PTPRD: variants seen among roughly 807,000 people sequenced by gnomAD.
PTPRD encodes the protein receptor-type tyrosine-protein phosphatase delta.
Under a neutral mutation model 214.5 loss-of-function variants are expected in PTPRD, and 34 were observed. The ratio of observed to expected loss-of-function variants is 0.16; its 90% CI spans 0.12 to 0.21. The LOEUF (loss-of-function observed/expected upper bound fraction) is 0.21, where lower values mean the gene tolerates loss of function less well. Ranked by LOEUF, PTPRD falls within the 10% of genes least tolerant of loss-of-function variation. PTPRD has a pLI of 1.00. For synonymous variants in PTPRD, 1,128 were observed against 845.7 expected (o/e 1.33, Z -5.79); for missense variants, 2,545 against 2,398.7 (o/e 1.06, Z -1.27).
intron 9 of PTPRD, among the ~76,000 whole-genome samples, chr9:9,249,769 C>T (rs2099974687): frequency 6.6e-6 from 1 of 152,046 alleles, no homozygotes; most frequent in South Asian, 2.1e-4. Flanking sequence ...ACTTTGTTGG[C>T]TATTTTGTTT....
At chr9:9,307,465 G>A (rs777786515) in intron 9 of PTPRD, among the ~76,000 whole-genome samples, 7 of 152,102 alleles carry the variant, frequency 4.6e-5, no homozygotes, top group African/African-American at 7.2e-5. Flanking sequence ...TTAAGGGTAC[G>A]ATTGCTAAGA....
At chr9:8,549,827 A>G (rs567145309) in intron 14 of PTPRD, among the ~76,000 whole-genome samples, 6 of 152,218 alleles carry the variant, frequency 3.9e-5, no homozygotes, top group Non-Finnish European at 8.8e-5. Flanking sequence ...TTATTACAAA[A>G]GAAAGATACT....
chr9:10,087,439 G>A (rs1011865357), intron 3 of PTPRD, among the ~76,000 whole-genome samples: 1 of 151,494 alleles, frequency 6.6e-6, no homozygotes, highest in Non-Finnish European at 1.5e-5. Flanking sequence ...GAAGATGTGG[G>A]CAACTTCTGT....
At chr9:8,697,206 T>C (rs984282553) in intron 12 of PTPRD, among the ~76,000 whole-genome samples, 1 of 152,038 alleles carries the variant, frequency 6.6e-6, no homozygotes, top group African/African-American at 2.4e-5. Context: ...GAGGACTGAC[T>C]ATACGTAGGG....
At chr9:10,064,853 TAAA>T (rs773458968) in intron 3 of PTPRD, among the ~76,000 whole-genome samples, 1 of 152,018 alleles carries the variant, frequency 6.6e-6, no homozygotes, top group Non-Finnish European at 1.5e-5. Context: ...TTGAATTACT[TAAA>T]AGAAAACTAG....
intron 5 of PTPRD, among the ~76,000 whole-genome samples, chr9:9,774,826 C>T (rs544782493): frequency 1.3e-4 from 20 of 152,292 alleles, no homozygotes; most frequent in African/African-American, 4.8e-4. Flanking sequence ...ACCTGGCAGT[C>T]TCCAGGAGGG....
intron 5 of PTPRD, among the ~76,000 whole-genome samples, chr9:9,860,710 T>C (rs886373790): frequency 2.6e-5 from 4 of 152,320 alleles, no homozygotes; most frequent in South Asian, 4.1e-4. Flanking sequence ...TTTATAAATA[T>C]ATACATGAAG....
At chr9:9,062,153 A>G (rs575252800) in intron 10 of PTPRD, among the ~76,000 whole-genome samples, 1 of 152,172 alleles carries the variant, frequency 6.6e-6, no homozygotes, top group Non-Finnish European at 1.5e-5. Flanking sequence ...TTTTACTTAC[A>G]CTGTTTTCCA....
intron 11 of PTPRD, among the ~76,000 whole-genome samples, chr9:8,970,017 A>C (rs772294920): frequency 3.3e-5 from 5 of 151,902 alleles, no homozygotes; most frequent in Non-Finnish European, 7.4e-5. Context: ...CCACTAGATG[A>C]GTGTTTGTGA....
At chr9:9,807,826 T>C (rs2045915070) in intron 5 of PTPRD, among the ~76,000 whole-genome samples, 2 of 152,210 alleles carry the variant, frequency 1.3e-5, no homozygotes, top group African/African-American at 2.4e-5. Context: ...TGAAGATTCA[T>C]TGGAAGAATC....
At chr9:9,495,542 G>C (rs958740735) in intron 8 of PTPRD, among the ~76,000 whole-genome samples, 3 of 147,666 alleles carry the variant, frequency 2.0e-5, no homozygotes, top group African/African-American at 5.4e-5. Context: ...GGGAGAGACA[G>C]CTGGACCTCA....
chr9:8,384,514 GCTT>G (rs2086276980), intron 37 of PTPRD, among the ~76,000 whole-genome samples: 2 of 152,082 alleles, frequency 1.3e-5, no homozygotes, highest in East Asian at 3.9e-4. Context: ...AAAATCTCCA[GCTT>G]CTATCATTGT....
At chr9:10,037,967 T>C (rs2097218738) in intron 3 of PTPRD, among the ~76,000 whole-genome samples, 1 of 152,156 alleles carries the variant, frequency 6.6e-6, no homozygotes, top group Admixed American at 6.6e-5. Context: ...TTTCCAAACC[T>C]TTCATCACAC....
intron 9 of PTPRD, among the ~76,000 whole-genome samples, chr9:9,252,154 C>T (rs758812500): frequency 3.3e-5 from 5 of 152,010 alleles, no homozygotes; most frequent in Non-Finnish European, 7.4e-5. Context: ...AAATATGCCT[C>T]TTTGGCATAA....
At chr9:10,024,489 T>C (rs1361210724) in intron 4 of PTPRD, among the ~76,000 whole-genome samples, 4 of 152,234 alleles carry the variant, frequency 2.6e-5, no homozygotes, top group Non-Finnish European at 1.5e-5. Flanking sequence ...TAAGGAAAAA[T>C]ATGACATGCT....
intron 30 of PTPRD, among the ~76,000 whole-genome samples, chr9:8,476,952 T>C (rs1195733533): frequency 1.3e-5 from 2 of 152,176 alleles, no homozygotes; most frequent in African/African-American, 4.8e-5. Flanking sequence ...TAACTCCTTA[T>C]TGCAAACGTT....
chr9:9,705,016 G>A (rs575583856), intron 7 of PTPRD, among the ~76,000 whole-genome samples: 1 of 152,264 alleles, frequency 6.6e-6, no homozygotes, highest in South Asian at 2.1e-4. Flanking sequence ...GATTAATGAA[G>A]TTACATGTTT....
intron 33 of PTPRD, among the ~76,000 whole-genome samples, chr9:8,459,121 T>G (rs2096301923): frequency 6.6e-6 from 1 of 152,076 alleles, no homozygotes; most frequent in South Asian, 2.1e-4. Flanking sequence ...GGAAAAACGT[T>G]ATTCCAGGGA....
chr9:9,603,713 A>T (rs2093946259), intron 7 of PTPRD, among the ~76,000 whole-genome samples: 1 of 152,176 alleles, frequency 6.6e-6, no homozygotes, highest in Non-Finnish European at 1.5e-5. Flanking sequence ...TCCAGAAACT[A>T]TCCCCACCAT....
Sources: allele counts gnomAD v4.1 joint callset (sites outside exome capture counted in the v4.1 genomes callset), GRCh38; gene constraint gnomAD v4.1.1; transcripts MANE v1.5; gene names NCBI Gene and HGNC (gene_info 2026-07-23, HGNC 2026-07-21).